Variants in ITIH4 observed in about 807,000 individuals in gnomAD.
The protein encoded by ITIH4 is inter-alpha-trypsin inhibitor heavy chain H4.
In ITIH4, 79 loss-of-function variants were observed where a neutral mutation model predicts 111.8. The ratio of observed to expected loss-of-function variants is 0.71; its 90% confidence interval spans 0.59 to 0.85. The LOEUF (loss-of-function observed/expected upper bound fraction) is 0.85. Among genes scored for constraint, ITIH4 ranks in the 40% least tolerant of loss-of-function variants. The pLI, the probability that ITIH4 is intolerant of heterozygous loss-of-function variation, is 0.00. For synonymous variants in ITIH4, 472 were observed against 468.3 expected, an observed-to-expected ratio of 1.01 and a Z score of -0.10; for missense variants, 1,065 against 1,195.8, an observed-to-expected ratio of 0.89 and a Z score of 1.61.
At chr3:52,820,917 A>C in intron 12 of ITIH4, 74 bp downstream of exon 12, 1 of 1,566,494 alleles carries the variant, frequency 6.4e-7, no homozygotes, top group Non-Finnish European at 8.7e-7. Flanking sequence ...CCCTCTCTCC[A>C]TGCTTAGGCG....
chr3:52,818,963 A>T (rs964058482), intron 17 of ITIH4: 1 of 285,200 alleles, frequency 3.5e-6, no homozygotes, highest in Non-Finnish European at 6.7e-6. Flanking sequence ...GGAAGCTGGC[A>T]AGGACTGCTC....
chr3:52,819,424 A>C lies in ITIH4; in HGVS notation c.2046T>G (p.Ala682=). The change falls in exon 17 of 24, where the codon GCT becomes GCG. Residue 682 remains alanine, a synonymous_variant. Coordinates refer to ENST00000266041, the MANE Select transcript of ITIH4 (RefSeq NM_002218.5). The part of the protein sequence containing the change: ...LPGPPDVPDH[A]AYHPFRRLAI... ...CCAGACGGCGGAAGGGGTGGTAAGC[A>C]GCATGGTCAGGAACATCAGGAGGTC... is the stretch of plus-strand genomic sequence containing the variant. 1 of 1,614,158 alleles carries C rather than the reference A, an allele frequency of 6.2e-7. No homozygotes were observed. Among genetic ancestry groups the C allele is most frequent in the Non-Finnish European group, 8.5e-7 (1 of 1,180,004 alleles).
At chr3:52,815,530 C>T (rs1269738541) in intron 21 of ITIH4, among the ~76,000 whole-genome samples, 1 of 152,132 alleles carries the variant, frequency 6.6e-6, no homozygotes, top group Admixed American at 6.5e-5. Flanking sequence ...GCATGAGCCA[C>T]CGTGCCCAAC....
chr3:52,816,943 A>G lies in ITIH4; in HGVS notation c.2412T>C (p.Thr804=). 1.2e-6 allele frequency: 2 copies of G among 1,614,018 alleles called. No individual in the cohort carries two copies. The highest frequency in any genetic ancestry group is 1.7e-6 in the Non-Finnish European group (2 of 1,179,962). Residue 804 remains threonine (T), a synonymous_variant, in exon 21 of 24, where the codon ACT becomes ACC. Coordinates refer to ENST00000266041, the MANE Select transcript of ITIH4 (RefSeq NM_002218.5). ...TGTACGCAGAGCTTCTTCGGTTCCG[A>G]GTCACCACCACGTGTTCAGGGGATG... ...VHASPEHVVV[T]RNRRSSAYKW...
chr3:52,829,936 G>C (rs569239264), intron 1 of ITIH4: 74 of 195,012 alleles, frequency 3.8e-4, no homozygotes, highest in South Asian at 2.1e-3. Flanking sequence ...TGAGGTCTGT[G>C]TCCCCCGAGG....
Position 52,824,888 on chromosome 3 carries a change from A to G in ITIH4, c.830T>C (p.Phe277Ser). 10 of 1,614,128 alleles carry G rather than the reference A, an allele frequency of 6.2e-6. No individual in the cohort carries two copies. Among genetic ancestry groups the G allele is most frequent in the Non-Finnish European group, 8.5e-6 (10 of 1,179,986 alleles). ...CATGGAGCCGCTCTTGTCAATGACA[A>G]AGACCACATTCTTGGGCATTGTGGT... Reference protein sequence around the residue: ...GLTTMPKNVVFVIDKSGSMSG... With the variant: ...GLTTMPKNVVSVIDKSGSMSG... The change falls in exon 7 of 24, where the codon TTT becomes TCT. Residue 277 changes from phenylalanine (F) to serine (S), a missense_variant. Transcript: ENST00000266041. This position sits in a 1 kb window ranked among gnomAD's most constrained non-coding sequence, Gnocchi z 4.3.
At chr3:52,817,132 C>G (rs1392658585) in intron 20 of ITIH4, 74 bp from the exon 21 acceptor site, 2 of 1,292,838 alleles carry the variant, frequency 1.5e-6, no homozygotes, top group Non-Finnish European at 2.2e-6. Flanking sequence ...GGGGAGTCCC[C>G]CCTGATCACA....
chr3:52,821,023 T>G lies in ITIH4; in HGVS notation c.1647A>C (p.Ala549=), dbSNP rs746420929. The G allele has an allele frequency of 1.9e-6, 3 of 1,614,128 alleles. No homozygotes were observed. Among genetic ancestry groups the G allele is most frequent in the East Asian group, 2.2e-5 (1 of 44,872 alleles). The change falls in exon 12 of 24, where the codon GCA becomes GCC. Residue 549 remains alanine (A), a synonymous_variant. Transcript: ENST00000266041. Reference sequence around the variant, plus strand: ...CCAGCAGCTGCTGGATAGTCAGGTATGCCCAGAGCCTCTCCATGAAGTTGT... The same window carrying G: ...CCAGCAGCTGCTGGATAGTCAGGTAGGCCCAGAGCCTCTCCATGAAGTTGT... The part of the protein sequence containing the change: ...IFHNFMERLW[A]YLTIQQLLEQ...
chr3:52,815,540 C>A (rs1700267733), intron 21 of ITIH4, among the ~76,000 whole-genome samples: 1 of 152,084 alleles, frequency 6.6e-6, no homozygotes. Flanking sequence ...CCGTGCCCAA[C>A]CTATTTTTCT....
rs747105278 is a variant in ITIH4 at position 52,820,983 on chromosome 3, G to A, written c.1679+8C>T. The A allele has an allele frequency of 1.9e-6, 3 of 1,613,384 alleles. No individual in the cohort carries two copies. The highest frequency in any genetic ancestry group is 2.2e-5 in the East Asian group (1 of 44,866). The stretch of plus-strand genomic sequence containing the variant: ...GCGACAGGCTTAGGGAGGTGCTGAT[G>A]CACTCACGTTTGCTCCAGCAGCTGC... On this transcript the variant is annotated splice_region_variant and intron_variant, in intron 12 of 23. Transcript: ENST00000266041.
At chr3:52,821,216 G>A (rs1403224324) in intron 11 of ITIH4, 86 bp from the exon 12 acceptor site, 1 of 1,503,064 alleles carries the variant, frequency 6.7e-7, no homozygotes, top group African/African-American at 1.4e-5. Flanking sequence ...TCCATGATTG[G>A]GGCTGGGGCA....
In ITIH4 at chr3:52,824,508, G is replaced by T; in HGVS notation, c.934C>A (p.Leu312Ile). ...GTTGCTTCTGTACTGAAGACGATGAGGTTGAACTGGTCTCTGGGGCTGAGG... is the reference window on the plus strand; with the variant it reads ...GTTGCTTCTGTACTGAAGACGATGATGTTGAACTGGTCTCTGGGGCTGAGG... ...DDLSPRDQFN[L>I]IVFSTEATQW... The change falls in exon 8 of 24, where the codon CTC becomes ATC. Residue 312 changes from leucine to isoleucine, a missense_variant. Physicochemically the swap from Leu to Ile is conservative, Grantham distance 5. Transcript: ENST00000266041. The surrounding 1 kb of genome is among the most constrained non-coding windows in gnomAD (Gnocchi z 4.3). 6.2e-7 allele frequency: 1 copy of T among 1,614,116 alleles called. No individual in the cohort carries two copies. The highest frequency in any genetic ancestry group is 8.5e-7 in the Non-Finnish European group (1 of 1,180,032).
intron 12 of ITIH4, 42 bp downstream of exon 12, chr3:52,820,949 T>G: frequency 6.2e-7 from 1 of 1,602,770 alleles, no homozygotes; most frequent in Non-Finnish European, 8.5e-7. Context: ...CACCTGTGCC[T>G]GCCCCCTAGC....
At chr3:52,829,994 C>T (rs888864233) in intron 1 of ITIH4, 7 of 269,824 alleles carry the variant, frequency 2.6e-5, no homozygotes, top group Admixed American at 1.5e-4. Context: ...CATGCTCATG[C>T]GCACTGCACC....
At chr3:52,815,965 C>T (rs1350312290) in intron 21 of ITIH4, among the ~76,000 whole-genome samples, 2 of 152,166 alleles carry the variant, frequency 1.3e-5, no homozygotes, top group East Asian at 1.9e-4. Context: ...GGATTACAGG[C>T]GTGAGCCACC....
intron 2 of ITIH4, 57 bp downstream of exon 2, chr3:52,829,062 G>A (rs576624956): frequency 1.4e-5 from 20 of 1,437,584 alleles, no homozygotes; most frequent in South Asian, 6.6e-5. Context: ...GGCACAGAGC[G>A]ATGGAGTCAT....
Position 52,824,104 on chromosome 3 carries a change from C to G in ITIH4, c.1171+86G>C. ...GAGGGGCCTCAGTGACCCCCTCTCCCTGCCCAGATCCCACAGCAAGCCCAG... is the reference window on the plus strand; with the variant it reads ...GAGGGGCCTCAGTGACCCCCTCTCCGTGCCCAGATCCCACAGCAAGCCCAG... On this transcript the variant is annotated intron_variant, in intron 9 of 23. Coordinates refer to ENST00000266041, the MANE Select transcript of ITIH4 (RefSeq NM_002218.5). The surrounding 1 kb of genome is among the most constrained non-coding windows in gnomAD (Gnocchi z 4.3). 6.3e-7 allele frequency: 1 copy of G among 1,582,152 alleles called. No individual in the cohort carries two copies. Among genetic ancestry groups the G allele is most frequent in the South Asian group, 1.1e-5 (1 of 87,714 alleles).
chr3:52,826,997 G>A (rs1700491408), intron 3 of ITIH4, 44 bp from the exon 4 acceptor site: 4 of 1,613,386 alleles, frequency 2.5e-6, no homozygotes, highest in Non-Finnish European at 3.4e-6. Context: ...GGACAGGTGG[G>A]GTAAGGCTGG....
At position 52,829,340 on chromosome 3, in the gene ITIH4, G is replaced by T. The variant is rs551245271; in HGVS notation, c.91-61C>A. ...CAATGCCACCTCAGCTCGGGGTGAC[G>T]CTCTTCAAGAGTTGGCCCTGACTCT... On this transcript the variant is annotated intron_variant, in intron 1 of 23. Transcript: ENST00000266041. The T allele has an allele frequency of 3.3e-6, 5 of 1,517,764 alleles. No individual in the cohort carries two copies. The East Asian group carries it at 1.1e-4, about 35-fold the overall frequency. The allele number at this position is 1,517,764 out of a possible 1,614,324, so 94.0% of individuals were successfully genotyped here. A position where few individuals can be genotyped will look rare whatever the true frequency, so the allele number is the denominator to read the frequency against.
Sources: gnomAD v4.1 joint callset for allele counts (sites outside exome capture counted in the v4.1 genomes callset) on GRCh38, gnomAD v4.1.1 for gene constraint, Gnocchi (gnomAD v3.1) non-coding constraint, MANE v1.5 for transcripts, NCBI Gene and HGNC (gene_info 2026-07-23, HGNC 2026-07-21) for gene names.